The following BRAT1 variants were observed in gnomAD, a reference collection of about 807,000 sequenced individuals.
BRAT1 encodes the protein BRCA1 associated ATM activator 1, also known as integrator complex assembly factor BRAT1.
Under a neutral mutation model 70.6 loss-of-function variants are expected in BRAT1, and 74 were observed. The ratio of observed to expected loss-of-function variants is 1.05; its 90% CI spans 0.87 to 1.27. BRAT1 has a LOEUF of 1.27. Among genes scored for constraint, BRAT1 ranks in the 50% most tolerant of loss-of-function variants. The probability of loss-of-function intolerance (pLI) is 0.00; values close to 1 mark genes in which losing one functional copy is unlikely to be tolerated. For missense variants in BRAT1, 1,203 were observed against 1,098.2 expected (o/e 1.10, Z -1.35); for synonymous variants, 615 against 517.1 (o/e 1.19, Z -2.57).
chr7:2,547,531 C>G, intron 2 of BRAT1, 53 bp from the exon 3 acceptor site: 1 of 1,576,862 alleles, frequency 6.3e-7, no homozygotes, highest in South Asian at 1.1e-5. Context: ...CCAGGTGTCC[C>G]CCTGGATGAC....
chr7:2,551,945 T>G (rs1780034796), intron 2 of BRAT1, among the ~76,000 whole-genome samples: 1 of 149,718 alleles, frequency 6.7e-6, no homozygotes, highest in African/African-American at 2.5e-5. Context: ...GATACTCTTT[T>G]AAGTAACTTG....
rs372315248 is a variant in BRAT1, at chr7:2,539,173, T to A, written c.1770+6A>T. 17 of 1,590,488 alleles carry A rather than the reference T, an allele frequency of 1.1e-5. No individual in the cohort carries two copies. In the African/African-American group the frequency reaches 1.9e-4, roughly 18 times the overall value. ...GTTGCTGGCTGAGGAACCTGCCACC[T>A]CCTACCTGCCGGGCCTCTGCATGCT... On this transcript the variant is annotated splice_donor_region_variant and intron_variant, in intron 13 of 13. Transcript: ENST00000340611.
In BRAT1 at chr7:2,541,489, G is replaced by A. The variant is rs374463976; in HGVS notation, c.1135-5C>T. The A allele has an allele frequency of 7.0e-5, 107 of 1,527,838 alleles. No individual in the cohort carries two copies. The highest frequency in any genetic ancestry group is 6.6e-4 in the African/African-American group (48 of 72,442). The allele number at this position is 1,527,838 out of a possible 1,614,324, so 94.6% of individuals were successfully genotyped here. On this transcript the variant is annotated splice_region_variant and splice_polypyrimidine_tract_variant and intron_variant, in intron 8 of 13. Transcript: ENST00000340611. ...CCACGGTGAAGGGCGCTGGGGCTGCGAGGAAGAGGGCCGTCAGCCAAGGTT... is the reference window on the plus strand; with the variant it reads ...CCACGGTGAAGGGCGCTGGGGCTGCAAGGAAGAGGGCCGTCAGCCAAGGTT...
intron 2 of BRAT1, among the ~76,000 whole-genome samples, chr7:2,550,491 AAAAG>A (rs796155539): frequency 0.042 from 5,900 of 141,478 alleles, 321 homozygotes; most frequent in East Asian, 0.17. Context: ...CAAAAAAAAA[AAAAG>A]AAAGAAAAGA....
At position 2,538,089 on chromosome 7, in the gene BRAT1, C is replaced by A; in HGVS notation, c.2446G>T (p.Asp816Tyr). The A allele has an allele frequency of 6.3e-7, 1 of 1,577,720 alleles. No homozygotes were observed. The highest frequency in any genetic ancestry group is 2.3e-5 in the East Asian group (1 of 44,230). The change falls in exon 14 of 14, where the codon GAC (aspartate) becomes TAC (tyrosine). Residue 816 changes from aspartate (D) to tyrosine (Y), a missense_variant. Asp to Tyr is a radical substitution (Grantham distance 160, BLOSUM62 -3). Transcript: ENST00000340611. The part of the protein sequence containing the change: ...MLATGGFLQG[D>Y]EADCY Reference sequence around the variant, plus strand: ...TCTGCTCAGTAGCAGTCGGCCTCGTCCCCCTGCAGGAAGCCTCCCGTGGCC... The same window carrying A: ...TCTGCTCAGTAGCAGTCGGCCTCGTACCCCTGCAGGAAGCCTCCCGTGGCC...
In BRAT1 at chr7:2,543,585, C is replaced by T; in HGVS notation, c.803+5G>A. ...GGCCCCCCAGCTGCGTCCCGGGGCC[C>T]TGACCGAGCCACACAGAGAAGCAGG... On this transcript the variant is annotated splice_donor_5th_base_variant and intron_variant, in intron 5 of 13. Transcript: ENST00000340611. The surrounding 1 kb of genome is among the most constrained non-coding windows in gnomAD (Gnocchi z 5.5). 6.6e-7 allele frequency: 1 copy of T among 1,509,830 alleles called. No homozygotes were observed. The highest frequency in any genetic ancestry group is 8.9e-7 in the Non-Finnish European group (1 of 1,127,990). The allele number at this position is 1,509,830 out of a possible 1,614,324, so 93.5% of individuals were successfully genotyped here.
At chr7:2,539,497 G>GCCCCCCACAGGCGGGGAAGGCAGC in intron 12 of BRAT1, 47 bp downstream of exon 12, 2 of 1,514,952 alleles carry the variant, frequency 1.3e-6, no homozygotes, top group Non-Finnish European at 1.8e-6. Flanking sequence ...GGCTCAGTGA[G>GCCCCCCACAGGCGGGGAAGGCAGC]CCCCCCACAG....
intron 10 of BRAT1, chr7:2,540,121 C>G (rs958283647): frequency 8.2e-6 from 4 of 487,600 alleles, no homozygotes; most frequent in Non-Finnish European, 1.4e-5. Flanking sequence ...CAGGCTCAAA[C>G]AGTCCTCCTG....
chr7:2,546,901 C>G (rs180752698), intron 3 of BRAT1, among the ~76,000 whole-genome samples: 1 of 134,968 alleles, frequency 7.4e-6, no homozygotes, highest in African/African-American at 3.0e-5. Flanking sequence ...AACCCCACGG[C>G]GCAGCTACGA....
Position 2,538,722 on chromosome 7 carries a change from C to T in BRAT1, c.1813G>A (p.Glu605Lys). 1 of 1,598,466 alleles carries T rather than the reference C, an allele frequency of 6.3e-7. No homozygotes were observed. The highest frequency in any genetic ancestry group is 2.2e-5 in the East Asian group (1 of 44,868). The change falls in exon 14 of 14, where the codon GAG becomes AAG. Residue 605 changes from glutamate (E) to lysine (K), a missense_variant. By Grantham distance (56) the Glu-to-Lys change is moderately conservative (BLOSUM62 1). Coordinates refer to ENST00000340611, the MANE Select transcript of BRAT1 (RefSeq NM_152743.4). ...ATGACCGCCCGCCGTGGGAAGCCCT[C>T]CGAGTCTACGGAGAGGATGTGCAGG... ...ELLHILSVDSEGFPRRAVMQV... is the reference protein window; with the variant it reads ...ELLHILSVDSKGFPRRAVMQV...
chr7:2,551,096 C>G (rs1287961260), intron 2 of BRAT1, among the ~76,000 whole-genome samples: 1 of 151,878 alleles, frequency 6.6e-6, no homozygotes, highest in Non-Finnish European at 1.5e-5. Flanking sequence ...AAAAATTGGC[C>G]GGGCATGGTG....
Position 2,542,170 on chromosome 7 carries a change from T to C in BRAT1, c.965A>G (p.Gln322Arg), listed in dbSNP as rs1779225983. The change falls in exon 7 of 14, where the codon CAG (glutamine) becomes CGG (arginine). Residue 322 changes from glutamine (Q) to arginine (R), a missense_variant. Coordinates refer to ENST00000340611, the MANE Select transcript of BRAT1 (RefSeq NM_152743.4). The stretch of plus-strand genomic sequence containing the variant: ...GGCCTTCAGGACACAGGCCAGGGGC[T>C]GGAGAAGGACCTGGAAGGCCTGGGT... ...LRTQAFQVLL[Q>R]PLACVLKATV... 2.5e-6 allele frequency: 4 copies of C among 1,571,964 alleles called. No homozygotes were observed. The highest frequency in any genetic ancestry group is 3.7e-5 in the Admixed American group (2 of 53,948).
chr7:2,552,002 A>G (rs1360875917), intron 2 of BRAT1, among the ~76,000 whole-genome samples: 6 of 136,574 alleles, frequency 4.4e-5, no homozygotes, highest in Admixed American at 7.7e-5. Flanking sequence ...ACTCAGAACT[A>G]AATTAAAACC....
At chr7:2,551,240 C>CA (rs200783996) in intron 2 of BRAT1, among the ~76,000 whole-genome samples, 5,880 of 121,606 alleles carry the variant, frequency 0.048, 332 homozygotes, top group East Asian at 0.3. Context: ...GACTTGGTCT[C>CA]AAAAAAAAAA....
At chr7:2,538,995 A>G in intron 13 of BRAT1, 184 bp downstream of exon 13, 3 of 1,436,542 alleles carry the variant, frequency 2.1e-6, no homozygotes, top group Non-Finnish European at 2.7e-6. Context: ...GGGGAGACAG[A>G]AGGCGAAGCG....
chr7:2,541,379 G>T lies in BRAT1; in HGVS notation c.1240C>A (p.His414Asn). Residue 414 changes from histidine to asparagine, a missense_variant, in exon 9 of 14, where the codon CAC becomes AAC. Physicochemically the swap from His to Asn is moderately conservative, Grantham distance 68. Transcript: ENST00000340611. ...SAAPASSVGG[H>N]LCGTLAGCVR... ...CAGCCCGCCAGGGTCCCACAGAGGTGGCCCCCCACACTGGAGGCAGGGGCA... is the reference window on the plus strand; with the variant it reads ...CAGCCCGCCAGGGTCCCACAGAGGTTGCCCCCCACACTGGAGGCAGGGGCA... The T allele has an allele frequency of 6.2e-7, 1 of 1,607,612 alleles. No homozygotes were observed.
chr7:2,552,106 A>ATTTTTTTT (rs1174942520), intron 2 of BRAT1, among the ~76,000 whole-genome samples: 1 of 14,218 alleles, frequency 7.0e-5, no homozygotes, highest in South Asian at 3.4e-3. Flanking sequence ...ATATATATAT[A>ATTTTTTTT]TTTTTTTTTT....
intron 2 of BRAT1, among the ~76,000 whole-genome samples, chr7:2,549,350 A>G (rs1355665539): frequency 6.6e-6 from 1 of 152,002 alleles, no homozygotes; most frequent in Admixed American, 6.6e-5. Context: ...GGTGGCGCGC[A>G]TCTATAGTCC....
intron 13 of BRAT1, 152 bp downstream of exon 13, chr7:2,539,027 A>G (rs755567449): frequency 5.6e-6 from 8 of 1,437,778 alleles, no homozygotes; most frequent in Non-Finnish European, 7.3e-6. Context: ...CACCCAGCAC[A>G]GCCCCAGGGC....
Sources: allele counts gnomAD v4.1 joint callset (sites outside exome capture counted in the v4.1 genomes callset), GRCh38; gene constraint gnomAD v4.1.1; non-coding constraint Gnocchi (gnomAD v3.1); transcripts MANE v1.5; gene names NCBI Gene and HGNC (gene_info 2026-07-23, HGNC 2026-07-21).